The following CCDC18 variants were observed in gnomAD, a reference collection of about 807,000 sequenced individuals.
The protein encoded by CCDC18 is coiled-coil domain-containing protein 18.
CCDC18 carries 157 observed loss-of-function variants against 196.0 expected under a neutral mutation model. The observed-to-expected ratio is 0.80, with a 90% CI of 0.70 to 0.91. The LOEUF (loss-of-function observed/expected upper bound fraction) is 0.91. Among genes scored for constraint, CCDC18 ranks in the 40% least tolerant of loss-of-function variants. CCDC18 has a pLI of 0.00. For synonymous variants in CCDC18, 482 were observed against 529.2 expected (o/e 0.91, Z 1.22); for missense variants, 1,465 against 1,611.6 (o/e 0.91, Z 1.56).
intron 4 of CCDC18, chr1:93,190,763 T>G: frequency 1.6e-6 from 1 of 623,262 alleles, no homozygotes; most frequent in Non-Finnish European, 2.9e-6. Flanking sequence ...ACTTGGCTCT[T>G]TCTGCTCTTA....
intron 17 of CCDC18, among the ~76,000 whole-genome samples, chr1:93,231,297 A>G (rs1659200674): frequency 6.6e-6 from 1 of 152,318 alleles, no homozygotes; most frequent in South Asian, 2.1e-4. Context: ...TATAAGCAAC[A>G]ACAAGAAAAC....
At chr1:93,210,268 C>T (rs1173862582) in intron 9 of CCDC18, among the ~76,000 whole-genome samples, 2 of 152,166 alleles carry the variant, frequency 1.3e-5, no homozygotes, top group Non-Finnish European at 2.9e-5. Flanking sequence ...ATTATCCAAA[C>T]ATACAGAAAG....
At chr1:93,180,975 C>A in intron 1 of CCDC18, 123 bp downstream of exon 1, 2 of 949,368 alleles carry the variant, frequency 2.1e-6, no homozygotes, top group Non-Finnish European at 3.0e-6. Context: ...TGGGACTGGT[C>A]CTCGTGGTTG....
chr1:93,222,938 A>C (rs1404626994), intron 16 of CCDC18, among the ~76,000 whole-genome samples: 16 of 152,156 alleles, frequency 1.1e-4, no homozygotes, highest in Non-Finnish European at 1.5e-5. Context: ...TTCTGTTTTT[A>C]ATTCATTTTG....
rs746364370 is a variant in CCDC18, at chr1:93,214,920, AG to A, written c.1675del (p.Glu559SerfsTer3). Reference sequence around the variant, plus strand: ...ACTAGTCAGTTTCAGCTGATTCAAGAGGAGCTGCTAGAGAAAGCTTCAAACT... The same window carrying A: ...ACTAGTCAGTTTCAGCTGATTCAAGAGAGCTGCTAGAGAAAGCTTCAAACT... ...HRTSQFQLIQEELLEKASNSS... is the reference protein window; with the variant it reads ...HRTSQFQLIQXELLEKASNSS... On this transcript the variant is annotated frameshift_variant, in exon 12 of 29. Transcript: ENST00000690025. LOFTEE classifies it high-confidence loss of function. 5 of 1,610,190 alleles carry A rather than the reference AG, an allele frequency of 3.1e-6. No individual in the cohort carries two copies. Among genetic ancestry groups the A allele is most frequent in the Non-Finnish European group, 4.2e-6 (5 of 1,177,852 alleles).
chr1:93,264,166 C>T (rs1022548126), intron 26 of CCDC18, among the ~76,000 whole-genome samples: 9 of 152,100 alleles, frequency 5.9e-5, no homozygotes, highest in African/African-American at 2.2e-4. Context: ...CTCATGAGAA[C>T]TCACTATCAT....
intron 27 of CCDC18, among the ~76,000 whole-genome samples, chr1:93,270,044 A>T (rs923934040): frequency 6.6e-6 from 1 of 152,160 alleles, no homozygotes; most frequent in African/African-American, 2.4e-5. Context: ...TTTAGGTGTA[A>T]GATTTCAATC....
chr1:93,205,292 A>C (rs555254994), intron 7 of CCDC18, among the ~76,000 whole-genome samples: 1 of 152,166 alleles, frequency 6.6e-6, no homozygotes, highest in African/African-American at 2.4e-5. Flanking sequence ...CCTATCTGTT[A>C]CAGGTTTTCT....
intron 21 of CCDC18, among the ~76,000 whole-genome samples, chr1:93,243,934 TC>T (rs1661163962): frequency 1.3e-5 from 2 of 152,178 alleles, no homozygotes; most frequent in South Asian, 4.1e-4. Flanking sequence ...TCCAAACTGT[TC>T]CAACCCTACC....
intron 4 of CCDC18, among the ~76,000 whole-genome samples, chr1:93,190,558 A>T (rs1651578849): frequency 6.6e-6 from 1 of 152,080 alleles, no homozygotes; most frequent in Admixed American, 6.5e-5. Context: ...TTAAATGCAG[A>T]TTGGTGGTTT....
intron 27 of CCDC18, 39 bp downstream of exon 27, chr1:93,264,940 A>G: frequency 1.4e-6 from 2 of 1,393,160 alleles, no homozygotes; most frequent in Non-Finnish European, 2.0e-6. Context: ...ATATCTATGA[A>G]AACATAAATG....
chr1:93,193,589 T>C lies in CCDC18; in HGVS notation c.570-27T>C, dbSNP rs370356987. The C allele has an allele frequency of 5.9e-6, 9 of 1,516,694 alleles. No individual in the cohort carries two copies. In the African/African-American group the frequency reaches 1.3e-4, roughly 22 times the overall value. The allele number at this position is 1,516,694 out of a possible 1,614,324, so 94.0% of individuals were successfully genotyped here. ...ACCTGGGATAATCTCTTTAGTAGTC[T>C]TAAACAAAGTATCCTTTATTTTATA... On this transcript the variant is annotated intron_variant, in intron 5 of 28. Transcript: ENST00000690025.
chr1:93,260,487 G>A (rs931119665), intron 26 of CCDC18, among the ~76,000 whole-genome samples: 2 of 151,980 alleles, frequency 1.3e-5, no homozygotes, highest in Non-Finnish European at 2.9e-5. Flanking sequence ...ATTTTTACCT[G>A]TTTGGAAGTT....
At chr1:93,184,176 A>T (rs1650231171) in intron 3 of CCDC18, 30 bp downstream of exon 3, 1 of 1,308,600 alleles carries the variant, frequency 7.6e-7, no homozygotes, top group Non-Finnish European at 9.9e-7. Context: ...TCTAGTTAAA[A>T]GAAGTTTTGG....
intron 14 of CCDC18, among the ~76,000 whole-genome samples, chr1:93,218,214 G>A (rs987825023): frequency 2.0e-5 from 3 of 151,940 alleles, no homozygotes; most frequent in Admixed American, 2.0e-4. Flanking sequence ...GAAAATTTGA[G>A]ACCAAAAATG....
chr1:93,271,116 G>A (rs1665223620), intron 28 of CCDC18: 1 of 983,772 alleles, frequency 1.0e-6, no homozygotes, highest in South Asian at 4.7e-5. Flanking sequence ...AAAGAAAAAT[G>A]GTAAGAAATA....
chr1:93,228,354 T>C (rs991099292), intron 17 of CCDC18, among the ~76,000 whole-genome samples: 18 of 152,108 alleles, frequency 1.2e-4, no homozygotes, highest in Admixed American at 9.8e-4. Context: ...AACCTATTTG[T>C]AATCTAGAGG....
chr1:93,217,628 G>T, intron 13 of CCDC18, 110 bp from the exon 14 acceptor site: 1 of 830,180 alleles, frequency 1.2e-6, no homozygotes, highest in Non-Finnish European at 1.8e-6. Flanking sequence ...TCATAGAGAC[G>T]GGGTCTTGCC....
At chr1:93,257,246 A>C (rs983137502) in intron 25 of CCDC18, among the ~76,000 whole-genome samples, 4 of 145,036 alleles carry the variant, frequency 2.8e-5, no homozygotes, top group South Asian at 2.1e-4. Flanking sequence ...AAAAAAAAAA[A>C]AAAAAAAAAA....
Sources: allele counts gnomAD v4.1 joint callset (sites outside exome capture counted in the v4.1 genomes callset), GRCh38; gene constraint gnomAD v4.1.1; transcripts MANE v1.5; gene names NCBI Gene and HGNC (gene_info 2026-07-23, HGNC 2026-07-21).